TLL1: variants seen among roughly 807,000 people sequenced by gnomAD.
TLL1 encodes tolloid-like protein 1.
In TLL1, 49 loss-of-function variants were observed where a neutral mutation model predicts 128.2. The ratio of observed to expected loss-of-function variants is 0.38; its 90% CI spans 0.30 to 0.48. The LOEUF (loss-of-function observed/expected upper bound fraction) is 0.48. Ranked by LOEUF, TLL1 falls within the 20% of genes least tolerant of loss-of-function variation. TLL1 has a pLI of 0.96. For missense variants in TLL1, 1,123 were observed against 1,242.0 expected, an observed-to-expected ratio of 0.90 and a Z score of 1.44; for synonymous variants, 454 against 418.8, an observed-to-expected ratio of 1.08 and a Z score of -1.03.
chr4:166,061,249 T>TC (rs1219275464), intron 15 of TLL1, among the ~76,000 whole-genome samples: 5 of 52,066 alleles, frequency 9.6e-5, no homozygotes, highest in African/African-American at 8.6e-4. Flanking sequence ...TTTTTTTTTT[T>TC]TCTTTTTTTT....
intron 9 of TLL1, among the ~76,000 whole-genome samples, chr4:166,037,461 GA>G (rs1739055657): frequency 6.6e-6 from 1 of 151,978 alleles, no homozygotes; most frequent in African/African-American, 2.4e-5. Flanking sequence ...AAGAAAAACA[GA>G]AAAAAGATAA....
intron 1 of TLL1, among the ~76,000 whole-genome samples, chr4:165,940,201 A>G (rs1321533471): frequency 1.3e-5 from 2 of 151,808 alleles, no homozygotes; most frequent in Non-Finnish European, 2.9e-5. Context: ...CAATTTTTCT[A>G]TGTAATTAGG....
At chr4:165,994,992 A>G in intron 4 of TLL1, 69 bp from the exon 5 acceptor site, 1 of 1,255,314 alleles carries the variant, frequency 8.0e-7, no homozygotes, top group Non-Finnish European at 1.2e-6. Flanking sequence ...GACTTAGGGT[A>G]GAGGATGCAG....
chr4:166,099,268 C>G lies in TLL1; in HGVS notation c.2657-9C>G, dbSNP rs752514231. The G allele has an allele frequency of 1.9e-6, 3 of 1,613,392 alleles. No homozygotes were observed. The highest frequency in any genetic ancestry group is 2.5e-6 in the Non-Finnish European group (3 of 1,179,564). Reference sequence around the variant, plus strand: ...GACCTTACTCATCTTATTTTTCTTTCCTGGGCAGAGTGTGGCGGACGATTG... The same window carrying G: ...GACCTTACTCATCTTATTTTTCTTTGCTGGGCAGAGTGTGGCGGACGATTG... On this transcript the variant is annotated splice_polypyrimidine_tract_variant and intron_variant, in intron 19 of 20. Transcript: ENST00000061240.
intron 1 of TLL1, among the ~76,000 whole-genome samples, chr4:165,981,193 TTATC>T (rs1378851869): frequency 6.6e-6 from 1 of 152,016 alleles, no homozygotes; most frequent in African/African-American, 2.4e-5. Flanking sequence ...GAAAAGGAGG[TTATC>T]TTTCAGTTAA....
At chr4:165,910,016 T>G (rs1732454945) in intron 1 of TLL1, among the ~76,000 whole-genome samples, 1 of 152,046 alleles carries the variant, frequency 6.6e-6, no homozygotes, top group African/African-American at 2.4e-5. Flanking sequence ...GAGCTGCCAT[T>G]AAGGAAAATA....
intron 1 of TLL1, among the ~76,000 whole-genome samples, chr4:165,971,315 T>C (rs1474314336): frequency 6.6e-6 from 1 of 152,164 alleles, no homozygotes; most frequent in East Asian, 1.9e-4. Context: ...CCCTTGTAGA[T>C]TCAGCCATAG....
At chr4:165,908,438 C>G (rs1732371276) in intron 1 of TLL1, among the ~76,000 whole-genome samples, 1 of 152,006 alleles carries the variant, frequency 6.6e-6, no homozygotes, top group Non-Finnish European at 1.5e-5. Context: ...TAAAAATTAT[C>G]CAGGTGCGGT....
At chr4:165,934,061 C>T (rs1476787587) in intron 1 of TLL1, among the ~76,000 whole-genome samples, 4 of 151,980 alleles carry the variant, frequency 2.6e-5, no homozygotes, top group Non-Finnish European at 5.9e-5. Flanking sequence ...TGCAATGTCA[C>T]GATCTTGGCT....
chr4:165,987,098 C>G (rs1736424158), intron 1 of TLL1, among the ~76,000 whole-genome samples: 1 of 152,044 alleles, frequency 6.6e-6, no homozygotes, highest in Admixed American at 6.6e-5. Flanking sequence ...GCCAGATTCT[C>G]TATGATTCTT....
Position 166,103,680 on chromosome 4 carries a change from T to A in TLL1, c.*2804T>A, listed in dbSNP as rs1416481391. 6.6e-6 allele frequency: 1 copy of A among 151,858 alleles called. No homozygotes were observed. Among genetic ancestry groups the A allele is most frequent in the Non-Finnish European group, 1.5e-5 (1 of 67,872 alleles). The allele number at this position is 151,858 out of a possible 1,614,324, so 9.4% of individuals were successfully genotyped here. On this transcript the variant is annotated 3_prime_UTR_variant, in exon 21 of 21. Coordinates refer to ENST00000061240, the MANE Select transcript of TLL1 (RefSeq NM_012464.5). ...TAATTCAACATTTGCCTTAAGTGTG[T>A]TGTTAAATGAAAGTACAGACAGCTT...
chr4:166,084,388 A>G (rs1487676837), intron 18 of TLL1, among the ~76,000 whole-genome samples: 1 of 151,750 alleles, frequency 6.6e-6, no homozygotes, highest in East Asian at 1.9e-4. Flanking sequence ...TTTTAGTTTG[A>G]TGTAATCTCA....
chr4:166,085,786 C>G (rs574810524), intron 18 of TLL1, among the ~76,000 whole-genome samples: 1 of 152,116 alleles, frequency 6.6e-6, no homozygotes, highest in Non-Finnish European at 1.5e-5. Context: ...AAGGATAGCA[C>G]AAGATTTCTA....
intron 1 of TLL1, among the ~76,000 whole-genome samples, chr4:165,921,821 T>A (rs2110889648): frequency 6.6e-6 from 1 of 152,290 alleles, no homozygotes; most frequent in East Asian, 1.9e-4. Flanking sequence ...GTCATACCAC[T>A]TACAGTTTTT....
At chr4:165,982,489 G>A (rs1736191389) in intron 1 of TLL1, among the ~76,000 whole-genome samples, 1 of 151,828 alleles carries the variant, frequency 6.6e-6, no homozygotes, top group East Asian at 1.9e-4. Flanking sequence ...TTATTTCGCT[G>A]AGGCCATGTT....
chr4:165,897,001 G>A (rs1731712508), intron 1 of TLL1, among the ~76,000 whole-genome samples: 2 of 152,152 alleles, frequency 1.3e-5, no homozygotes, highest in African/African-American at 4.8e-5. Flanking sequence ...CTAATGACCA[G>A]TGATGATGAG....
intron 19 of TLL1, among the ~76,000 whole-genome samples, chr4:166,094,271 A>G (rs1741918889): frequency 6.6e-6 from 1 of 152,134 alleles, no homozygotes; most frequent in African/African-American, 2.4e-5. Context: ...CAAAGCCTGG[A>G]TTTTATTCTA....
intron 1 of TLL1, among the ~76,000 whole-genome samples, chr4:165,907,865 A>C (rs1451942209): frequency 6.6e-6 from 1 of 152,154 alleles, no homozygotes; most frequent in Middle Eastern, 3.2e-3. Context: ...ACACTTTTAT[A>C]AACTTCTGAT....
At chr4:165,925,242 A>G (rs988825770) in intron 1 of TLL1, among the ~76,000 whole-genome samples, 2 of 152,224 alleles carry the variant, frequency 1.3e-5, no homozygotes, top group Non-Finnish European at 2.9e-5. Context: ...GGGTCTGAGC[A>G]AAGTAAATCG....
Sources: gnomAD v4.1 joint callset for allele counts (sites outside exome capture counted in the v4.1 genomes callset) on GRCh38, gnomAD v4.1.1 for gene constraint, MANE v1.5 for transcripts, NCBI Gene and HGNC (gene_info 2026-07-23, HGNC 2026-07-21) for gene names.